The following PHC2 variants were observed in gnomAD, a reference collection of about 807,000 sequenced individuals.
PHC2 encodes polyhomeotic homolog 2, also known as polyhomeotic-like protein 2.
Under a neutral mutation model 87.4 loss-of-function variants are expected in PHC2, and 29 were observed. The observed-to-expected ratio is 0.33, with a 90% CI of 0.25 to 0.45. The LOEUF is 0.45. Ranked by LOEUF, PHC2 falls within the 20% of genes least tolerant of loss-of-function variation. PHC2 has a pLI of 1.00. For synonymous variants in PHC2, 438 were observed against 461.7 expected (o/e 0.95, Z 0.66); for missense variants, 857 against 1,136.7 (o/e 0.75, Z 3.54).
chr1:33,323,796 GCCT>G lies in PHC2; in HGVS notation c.*1066_*1068del, dbSNP rs1457934754. On this transcript the variant is annotated 3_prime_UTR_variant, in exon 15 of 15. Transcript: ENST00000683057. Reference sequence around the variant, plus strand: ...GGCAGGCCCTCGCCCTTTCTGCCCTGCCTCCTCCTCAGGTAGCTCAAATTGCTG... The same window carrying G: ...GGCAGGCCCTCGCCCTTTCTGCCCTGCCTCCTCAGGTAGCTCAAATTGCTG... The G allele has an allele frequency of 6.6e-6, 1 of 152,632 alleles. No individual in the cohort carries two copies. Among genetic ancestry groups the G allele is most frequent in the Admixed American group, 6.5e-5 (1 of 15,290 alleles). The allele number at this position is 152,632 out of a possible 1,614,324, so 9.5% of individuals were successfully genotyped here.
chr1:33,428,231 C>T (rs958887877), intron 1 of PHC2, among the ~76,000 whole-genome samples: 3 of 152,200 alleles, frequency 2.0e-5, no homozygotes, highest in African/African-American at 7.2e-5. Context: ...TACACCACCA[C>T]TCTCATTTTC....
intron 1 of PHC2, among the ~76,000 whole-genome samples, chr1:33,395,449 A>AAAATAAAT (rs57375740): frequency 6.6e-6 from 1 of 150,904 alleles, no homozygotes; most frequent in African/African-American, 2.4e-5. Context: ...CCTTAAGATA[A>AAAATAAAT]AAATAAATAA....
chr1:33,409,974 C>A (rs1282505316), intron 1 of PHC2, among the ~76,000 whole-genome samples: 1 of 152,076 alleles, frequency 6.6e-6, no homozygotes, highest in Admixed American at 6.5e-5. Context: ...ACTATAATGA[C>A]CTCATGTATT....
chr1:33,347,180 C>T (rs1011498743), intron 9 of PHC2: 2 of 985,296 alleles, frequency 2.0e-6, no homozygotes, highest in African/African-American at 1.7e-5. Flanking sequence ...GAGGGAAGGG[C>T]TTGGTGGCAG....
chr1:33,375,876 G>A lies in PHC2; in HGVS notation c.-54-283C>T, dbSNP rs140550034. Among the ~76,000 whole-genome samples, 14 of 152,352 alleles carry A rather than the reference G, an allele frequency of 9.2e-5. No homozygotes were observed. In the East Asian group the frequency reaches 2.7e-3, roughly 29 times the overall value. ...AAAGTATATAGGAGGATGTGGGTCA[G>A]TTATATGCAAATGTTATGCTACTTT... On this transcript the variant is annotated intron_variant, in intron 1 of 14. Coordinates refer to ENST00000683057, the MANE Select transcript of PHC2 (RefSeq NM_001385109.1).
At chr1:33,327,366 G>T (rs1646394008) in intron 14 of PHC2, among the ~76,000 whole-genome samples, 2 of 152,136 alleles carry the variant, frequency 1.3e-5, no homozygotes, top group South Asian at 4.1e-4. Flanking sequence ...TGAGAGCCTG[G>T]ACTTCAAACT....
intron 9 of PHC2, chr1:33,350,437 G>C (rs1322339474): frequency 6.6e-6 from 1 of 152,320 alleles, no homozygotes; most frequent in Non-Finnish European, 1.5e-5. Context: ...CTGGCACACG[G>C]TCAGAGTCCC....
intron 1 of PHC2, among the ~76,000 whole-genome samples, chr1:33,393,024 C>CTGCT (rs1649135120): frequency 1.3e-5 from 2 of 152,150 alleles, no homozygotes; most frequent in African/African-American, 4.8e-5. Context: ...GATAGCAGGC[C>CTGCT]ATCTGATCCC....
In PHC2 at chr1:33,336,327, A is replaced by T. The variant is rs117765738; in HGVS notation, c.1559-2035T>A. 7.6e-4 allele frequency among the ~76,000 whole-genome samples: 115 copies of T among 152,262 alleles called. 1 individual carries two copies. In the East Asian group the frequency reaches 0.019, roughly 25 times the overall value. Reference sequence around the variant, plus strand: ...CTTACTGGTGGTTCTAATGCTAACTAAACCAGGATAAACCTTTAATGAACA... The same window carrying T: ...CTTACTGGTGGTTCTAATGCTAACTTAACCAGGATAAACCTTTAATGAACA... On this transcript the variant is annotated intron_variant, in intron 9 of 14. Coordinates refer to ENST00000683057, the MANE Select transcript of PHC2 (RefSeq NM_001385109.1).
chr1:33,423,316 T>A (rs575708443), intron 1 of PHC2, among the ~76,000 whole-genome samples: 2 of 152,312 alleles, frequency 1.3e-5, no homozygotes, highest in Admixed American at 1.3e-4. Context: ...AGACACTGAA[T>A]GGTAGGCTTC....
rs950520119 is a variant in PHC2, at chr1:33,355,011, G to C, written c.1219C>G (p.Leu407Val). ...TGCAGGTTGGCAGTGGGACACTGGA[G>C]TGGCAGGGCGGGTGTAACCGGGCCT... Reference protein sequence around the residue: ...PLGPVTPALPLQCPTANLHKP... With the variant: ...PLGPVTPALPVQCPTANLHKP... The change falls in exon 8 of 15, where the codon CTC becomes GTC. Residue 407 changes from leucine (L) to valine (V), a missense_variant. Coordinates refer to ENST00000683057, the MANE Select transcript of PHC2 (RefSeq NM_001385109.1). The C allele has an allele frequency of 2.5e-6, 4 of 1,614,056 alleles. No homozygotes were observed. Among genetic ancestry groups the C allele is most frequent in the Admixed American group, 1.7e-5 (1 of 60,010 alleles).
At chr1:33,361,344 T>G (rs10914688) in intron 7 of PHC2, among the ~76,000 whole-genome samples, 3,002 of 152,054 alleles carry the variant, frequency 0.02, 91 homozygotes, top group African/African-American at 0.068. Flanking sequence ...AAGGTTTTTG[T>G]TTTTTGTTTT....
At chr1:33,343,654 C>CAG (rs1159255604) in intron 9 of PHC2, among the ~76,000 whole-genome samples, 1 of 152,126 alleles carries the variant, frequency 6.6e-6, no homozygotes. Flanking sequence ...AGCTTGGACA[C>CAG]AGGAGTGCCA....
intron 1 of PHC2, among the ~76,000 whole-genome samples, chr1:33,397,083 T>C (rs1038628023): frequency 6.6e-6 from 1 of 152,142 alleles, no homozygotes; most frequent in Non-Finnish European, 1.5e-5. Context: ...TCCTCATCTG[T>C]GAAATGGGGA....
chr1:33,377,558 G>A, intron 1 of PHC2, among the ~76,000 whole-genome samples: 1 of 151,868 alleles, frequency 6.6e-6, no homozygotes, highest in East Asian at 1.9e-4. Context: ...CTTTTTCCAT[G>A]CTTTTCTTAA....
At chr1:33,371,730 T>A (rs1294093165) in intron 3 of PHC2, among the ~76,000 whole-genome samples, 1 of 152,234 alleles carries the variant, frequency 6.6e-6, no homozygotes, top group African/African-American at 2.4e-5. Flanking sequence ...TTCTCTTTCA[T>A]GGCGCTTATT....
chr1:33,367,872 T>C (rs1647571603), intron 6 of PHC2, among the ~76,000 whole-genome samples: 1 of 152,046 alleles, frequency 6.6e-6, no homozygotes, highest in Non-Finnish European at 1.5e-5. Context: ...CGGGCAAATA[T>C]CTTGTCTCAG....
At chr1:33,384,579 G>T (rs1648648671) in intron 1 of PHC2, among the ~76,000 whole-genome samples, 1 of 152,148 alleles carries the variant, frequency 6.6e-6, no homozygotes, top group African/African-American at 2.4e-5. Flanking sequence ...GCTGATTCCA[G>T]AATTAGTCAT....
chr1:33,390,982 G>C (rs907016711), intron 1 of PHC2, among the ~76,000 whole-genome samples: 3 of 152,160 alleles, frequency 2.0e-5, no homozygotes, highest in African/African-American at 4.8e-5. Flanking sequence ...CTTCGGAAAT[G>C]GGGAGGGGGC....
Sources: gnomAD v4.1 joint callset for allele counts (sites outside exome capture counted in the v4.1 genomes callset) on GRCh38, gnomAD v4.1.1 for gene constraint, MANE v1.5 for transcripts, NCBI Gene and HGNC (gene_info 2026-07-23, HGNC 2026-07-21) for gene names.